The following FGF1 variants were observed in gnomAD, a reference collection of about 807,000 sequenced individuals.
The protein encoded by FGF1 is beta-endothelial cell growth factor.
A neutral mutation model predicts 13.4 loss-of-function variants in FGF1; 9 were observed. The observed-to-expected ratio is 0.67, with a 90% CI of 0.40 to 1.17. The LOEUF (loss-of-function observed/expected upper bound fraction) is 1.17. Among genes scored for constraint, FGF1 ranks in the 50% most tolerant of loss-of-function variants. The probability of loss-of-function intolerance (pLI) is 0.01; values close to 1 mark genes in which losing one functional copy is unlikely to be tolerated. For missense variants in FGF1, 156 were observed against 192.7 expected (o/e 0.81, Z 1.13); for synonymous variants, 93 against 79.0 (o/e 1.18, Z -0.94).
intron 2 of FGF1, among the ~76,000 whole-genome samples, chr5:142,612,273 G>A (rs1759227777): frequency 1.3e-5 from 2 of 152,176 alleles, no homozygotes; most frequent in African/African-American, 4.8e-5. Flanking sequence ...ATGATGGAAT[G>A]GCAACAGTTA....
At chr5:142,652,392 G>A (rs1767416873) in intron 1 of FGF1, among the ~76,000 whole-genome samples, 1 of 152,192 alleles carries the variant, frequency 6.6e-6, no homozygotes, top group South Asian at 2.1e-4. Context: ...TGGGGCAGGT[G>A]AGTTTTAGAA....
At chr5:142,599,635 A>G (rs2299022) in intron 3 of FGF1, among the ~76,000 whole-genome samples, 15,447 of 152,254 alleles carry the variant, frequency 0.1, 1,055 homozygotes, top group African/African-American at 0.19. Context: ...ACCCGCAGTC[A>G]TTGGTTTAAG....
In FGF1 at chr5:142,595,378, T is replaced by C. The variant is rs1190163641; in HGVS notation, c.380A>G (p.Lys127Arg). ...HAEKNWFVGL[K>R]KNGSCKRGPR... Reference sequence around the variant, plus strand: ...ACCGCGTTTGCAGCTCCCATTCTTCTTGAGGCCAACAAACCAATTCTTCTC... The same window carrying C: ...ACCGCGTTTGCAGCTCCCATTCTTCCTGAGGCCAACAAACCAATTCTTCTC... The change falls in exon 4 of 4, where the codon AAG becomes AGG. Residue 127 changes from lysine (K) to arginine (R), a missense_variant. By Grantham distance (26) the Lys-to-Arg change is conservative. Coordinates refer to ENST00000337706, the MANE Select transcript of FGF1 (RefSeq NM_000800.5). 1 of 1,614,112 alleles carries C rather than the reference T, an allele frequency of 6.2e-7. No homozygotes were observed. The highest frequency in any genetic ancestry group is 8.5e-7 in the Non-Finnish European group (1 of 1,179,962).
chr5:142,605,537 G>A (rs1414296676), intron 2 of FGF1, among the ~76,000 whole-genome samples: 3 of 152,112 alleles, frequency 2.0e-5, no homozygotes, highest in African/African-American at 7.2e-5. Flanking sequence ...GCCATCTGTG[G>A]AGTTCCATCA....
chr5:142,612,158 C>T lies in FGF1; in HGVS notation c.169+1801G>A, dbSNP rs527596171. Among the ~76,000 whole-genome samples the T allele has an allele frequency of 9.8e-5, 15 of 152,350 alleles. No individual in the cohort carries two copies. The East Asian group carries it at 2.9e-3, about 29-fold the overall frequency. ...CCTGCACTCCCAGGGCTACGTTGTGCTGCTTTCTAGGGGCTCCTGACATCT... is the reference window on the plus strand; with the variant it reads ...CCTGCACTCCCAGGGCTACGTTGTGTTGCTTTCTAGGGGCTCCTGACATCT... On this transcript the variant is annotated intron_variant, in intron 2 of 3. Transcript: ENST00000337706.
intron 1 of FGF1, among the ~76,000 whole-genome samples, chr5:142,633,993 G>C (rs1763814074): frequency 6.7e-6 from 1 of 150,286 alleles, no homozygotes; most frequent in Admixed American, 6.6e-5. Context: ...GATCATCCTG[G>C]CTAACACGGT....
intron 1 of FGF1, among the ~76,000 whole-genome samples, chr5:142,671,627 A>C (rs1211320561): frequency 1.3e-5 from 2 of 152,248 alleles, no homozygotes; most frequent in Non-Finnish European, 2.9e-5. Context: ...GGGAAAGGGA[A>C]ATATGGTCAG....
At chr5:142,660,089 A>C (rs79427314) in intron 1 of FGF1, among the ~76,000 whole-genome samples, 1,990 of 152,294 alleles carry the variant, frequency 0.013, 50 homozygotes, top group African/African-American at 0.044. Context: ...ACACAACATG[A>C]CTGTGGTTTC....
intron 1 of FGF1, among the ~76,000 whole-genome samples, chr5:142,660,942 C>A (rs1441723802): frequency 3.9e-5 from 6 of 152,168 alleles, no homozygotes; most frequent in Non-Finnish European, 7.4e-5. Context: ...AACAGGACTC[C>A]TGGCCCAGGC....
intron 1 of FGF1, among the ~76,000 whole-genome samples, chr5:142,624,215 C>T (rs1049802699): frequency 5.3e-5 from 8 of 152,216 alleles, no homozygotes; most frequent in African/African-American, 7.2e-5. Context: ...CCACCATGCC[C>T]GGCTGTCTGG....
chr5:142,596,772 A>G (rs1478889542), intron 3 of FGF1, among the ~76,000 whole-genome samples: 1 of 148,786 alleles, frequency 6.7e-6, no homozygotes, highest in Non-Finnish European at 1.5e-5. Flanking sequence ...GCTACTTATA[A>G]GAAGAATTGT....
chr5:142,693,678 G>T (rs1425167430), intron 2 of FGF1, among the ~76,000 whole-genome samples: 1 of 152,082 alleles, frequency 6.6e-6, no homozygotes, highest in East Asian at 1.9e-4. Flanking sequence ...TCCATTAGCA[G>T]TTCATTCCCC....
intron 2 of FGF1, among the ~76,000 whole-genome samples, chr5:142,605,658 T>G (rs1285279632): frequency 6.6e-6 from 1 of 151,962 alleles, no homozygotes; most frequent in Non-Finnish European, 1.5e-5. Flanking sequence ...CCGGTGAGAG[T>G]TCGTCTCAAA....
intron 1 of FGF1, among the ~76,000 whole-genome samples, chr5:142,649,640 C>T (rs1461581288): frequency 5.3e-5 from 8 of 152,110 alleles, no homozygotes; most frequent in Admixed American, 5.2e-4. Context: ...ATCTCCTGAC[C>T]TCATGATCCG....
intron 1 of FGF1, among the ~76,000 whole-genome samples, chr5:142,644,545 CCTT>C (rs1353569033): frequency 2.0e-5 from 3 of 152,120 alleles, no homozygotes; most frequent in South Asian, 2.1e-4. Context: ...TCTGAACTCT[CCTT>C]CTAGAGTCAA....
chr5:142,662,237 C>T (rs1473099674), intron 1 of FGF1, among the ~76,000 whole-genome samples: 1 of 152,176 alleles, frequency 6.6e-6, no homozygotes, highest in Non-Finnish European at 1.5e-5. Flanking sequence ...TTGAACTATA[C>T]ACTTTGAACG....
At chr5:142,645,931 C>T (rs976476417) in intron 1 of FGF1, among the ~76,000 whole-genome samples, 14 of 152,132 alleles carry the variant, frequency 9.2e-5, no homozygotes, top group African/African-American at 7.2e-5. Flanking sequence ...TTGTTTTAGA[C>T]GGAGTCTTGC....
intron 1 of FGF1, among the ~76,000 whole-genome samples, chr5:142,623,537 G>A (rs570917736): frequency 2.6e-5 from 4 of 151,868 alleles, no homozygotes; most frequent in South Asian, 4.2e-4. Context: ...TAGTAGAGAC[G>A]GGGTTTCTAC....
intron 1 of FGF1, among the ~76,000 whole-genome samples, chr5:142,637,882 G>C (rs1384891128): frequency 6.6e-6 from 1 of 152,068 alleles, no homozygotes; most frequent in Non-Finnish European, 1.5e-5. Flanking sequence ...GAGCCTGGAG[G>C]GGAAAGGGTG....
Sources: gnomAD v4.1 joint callset for allele counts (sites outside exome capture counted in the v4.1 genomes callset) on GRCh38, gnomAD v4.1.1 for gene constraint, MANE v1.5 for transcripts, NCBI Gene and HGNC (gene_info 2026-07-23, HGNC 2026-07-21) for gene names.